Variants in EIF2B3 observed in about 807,000 individuals in gnomAD.
EIF2B3 encodes the protein translation initiation factor eIF2B subunit gamma.
In EIF2B3, 20 loss-of-function variants were observed where a neutral mutation model predicts 54.1. The observed-to-expected ratio is 0.37, with a 90% CI of 0.26 to 0.54. The LOEUF (loss-of-function observed/expected upper bound fraction) is 0.54, where lower values mean the gene tolerates loss of function less well. Ranked by LOEUF, EIF2B3 falls within the 20% of genes least tolerant of loss-of-function variation. EIF2B3 has a pLI of 0.86. For missense variants in EIF2B3, 448 were observed against 547.8 expected (o/e 0.82, Z 1.82); for synonymous variants, 153 against 188.1 (o/e 0.81, Z 1.52).
intron 10 of EIF2B3, among the ~76,000 whole-genome samples, chr1:44,859,366 G>A (rs559491880): frequency 1.1e-4 from 16 of 151,960 alleles, no homozygotes; most frequent in African/African-American, 1.2e-4. Flanking sequence ...TGAAAATTAC[G>A]ACTAACCTGG....
intron 5 of EIF2B3, among the ~76,000 whole-genome samples, chr1:44,926,024 T>C (rs1237357756): frequency 6.6e-6 from 1 of 151,510 alleles, no homozygotes; most frequent in Non-Finnish European, 1.5e-5. Context: ...GGTCAGGAGC[T>C]AGAGACCAGC....
chr1:44,862,812 T>C (rs1484338194), intron 10 of EIF2B3, among the ~76,000 whole-genome samples: 1 of 152,198 alleles, frequency 6.6e-6, no homozygotes, highest in Non-Finnish European at 1.5e-5. Flanking sequence ...TTGACCAGGC[T>C]GGTCTCGAAT....
chr1:44,895,842 T>G (rs1461256708), intron 6 of EIF2B3, among the ~76,000 whole-genome samples: 3 of 152,236 alleles, frequency 2.0e-5, no homozygotes, highest in Non-Finnish European at 4.4e-5. Context: ...TAGTAAATCA[T>G]TTTTTAAAAA....
chr1:44,917,780 TTTTTTTTTTTTG>T (rs1643655562), intron 5 of EIF2B3, among the ~76,000 whole-genome samples: 1 of 111,984 alleles, frequency 8.9e-6, no homozygotes, highest in Non-Finnish European at 1.7e-5. Flanking sequence ...TTTTTTTTTT[TTTTTTTTTTTTG>T]AGACGGAGTC....
chr1:44,890,675 TG>T (rs929714087), intron 6 of EIF2B3, among the ~76,000 whole-genome samples: 3 of 152,236 alleles, frequency 2.0e-5, no homozygotes, highest in South Asian at 2.1e-4. Context: ...GCTCTGGGTC[TG>T]GGGGGTTGCA....
chr1:44,939,618 T>C (rs1643998561), intron 4 of EIF2B3, among the ~76,000 whole-genome samples: 1 of 152,158 alleles, frequency 6.6e-6, no homozygotes, highest in African/African-American at 2.4e-5. Flanking sequence ...TAACATCGCT[T>C]TGTATCCCAT....
At chr1:44,943,374 ATATCTATAT>A (rs1414677546) in intron 3 of EIF2B3, among the ~76,000 whole-genome samples, 2 of 37,386 alleles carry the variant, frequency 5.3e-5, no homozygotes, top group Non-Finnish European at 1.2e-4. Flanking sequence ...AGAACTATCT[ATATCTATAT>A]CTATATCTAT....
chr1:44,969,380 T>A (rs917462496), intron 3 of EIF2B3, among the ~76,000 whole-genome samples: 14 of 152,204 alleles, frequency 9.2e-5, no homozygotes, highest in Non-Finnish European at 1.5e-4. Flanking sequence ...TAATGTGTAA[T>A]CCTTATTCAC....
intron 6 of EIF2B3, among the ~76,000 whole-genome samples, chr1:44,892,410 T>G (rs1266414791): frequency 6.6e-6 from 1 of 151,786 alleles, no homozygotes; most frequent in Non-Finnish European, 1.5e-5. Context: ...TGAGACCCCA[T>G]CTCTACAAAA....
intron 3 of EIF2B3, among the ~76,000 whole-genome samples, chr1:44,977,977 C>T (rs77114252): frequency 0.015 from 2,252 of 152,176 alleles, 57 homozygotes; most frequent in East Asian, 0.11. Context: ...TGATGGCTCA[C>T]GCCTGTAATC....
chr1:44,933,246 C>A (rs760420632), intron 4 of EIF2B3, among the ~76,000 whole-genome samples: 1 of 152,100 alleles, frequency 6.6e-6, no homozygotes, highest in Non-Finnish European at 1.5e-5. Flanking sequence ...CAAGGCTCAA[C>A]TGTGAATACT....
intron 10 of EIF2B3, among the ~76,000 whole-genome samples, chr1:44,867,908 C>T (rs931178044): frequency 1.3e-5 from 2 of 150,092 alleles, no homozygotes; most frequent in Non-Finnish European, 3.0e-5. Flanking sequence ...TGTAGTGGCA[C>T]ACGCCCATAG....
chr1:44,892,397 T>C (rs1283673861), intron 6 of EIF2B3, among the ~76,000 whole-genome samples: 1 of 151,888 alleles, frequency 6.6e-6, no homozygotes, highest in Non-Finnish European at 1.5e-5. Flanking sequence ...CTGGGCAACA[T>C]ATTGAGACCC....
intron 5 of EIF2B3, among the ~76,000 whole-genome samples, chr1:44,905,523 C>T (rs941460749): frequency 7.2e-5 from 11 of 151,948 alleles, no homozygotes; most frequent in African/African-American, 2.2e-4. Flanking sequence ...CTCTATGACT[C>T]ACAGCATTTC....
At chr1:44,974,490 A>G (rs980919661) in intron 3 of EIF2B3, among the ~76,000 whole-genome samples, 1 of 151,040 alleles carries the variant, frequency 6.6e-6, no homozygotes, top group African/African-American at 2.4e-5. Flanking sequence ...AAAAAAAAGA[A>G]AAAAAAAGAA....
chr1:44,871,251 T>C (rs1250629707), intron 10 of EIF2B3, among the ~76,000 whole-genome samples: 1 of 152,232 alleles, frequency 6.6e-6, no homozygotes, highest in African/African-American at 2.4e-5. Context: ...AATCACCTTA[T>C]TGTCTGTCTT....
intron 6 of EIF2B3, among the ~76,000 whole-genome samples, chr1:44,886,156 T>C (rs1655577736): frequency 1.3e-5 from 2 of 152,272 alleles, no homozygotes; most frequent in South Asian, 4.1e-4. Flanking sequence ...CTCGGTTCAC[T>C]GCAACCTCCG....
intron 5 of EIF2B3, among the ~76,000 whole-genome samples, chr1:44,920,404 G>T (rs1477444743): frequency 6.6e-6 from 1 of 152,046 alleles, no homozygotes; most frequent in African/African-American, 2.4e-5. Flanking sequence ...TACTCTCTTA[G>T]TTATTTTAAA....
chr1:44,926,771 T>C (rs1356254606), intron 4 of EIF2B3, 32 bp from the exon 5 acceptor site: 22 of 1,574,454 alleles, frequency 1.4e-5, no homozygotes, highest in Non-Finnish European at 1.9e-5. Flanking sequence ...AAAAATCAAA[T>C]AAAGCCATTT....
Sources: allele counts gnomAD v4.1 joint callset (sites outside exome capture counted in the v4.1 genomes callset), GRCh38; gene constraint gnomAD v4.1.1; transcripts MANE v1.5; gene names NCBI Gene and HGNC (gene_info 2026-07-23, HGNC 2026-07-21).